GPRC5C: variants seen among roughly 807,000 people sequenced by gnomAD.
GPRC5C encodes the protein G protein-coupled receptor class C group 5 member C.
In GPRC5C, 22 loss-of-function variants were observed where a neutral mutation model predicts 31.4. The ratio of observed to expected loss-of-function variants is 0.70; its 90% CI spans 0.50 to 1.00. GPRC5C has a LOEUF of 1.00. GPRC5C is among the 50% of genes least tolerant of loss of function. GPRC5C has a pLI of 0.00. For synonymous variants in GPRC5C, 249 were observed against 257.5 expected (o/e 0.97, Z 0.32); for missense variants, 557 against 597.2 (o/e 0.93, Z 0.70).
rs2055514440 is a variant in GPRC5C at position 74,440,447 on chromosome 17, T to C, written c.671T>C (p.Phe224Ser). ...IYVMLLLLGAFLGAWPALCGR... is the reference protein window; with the variant it reads ...IYVMLLLLGASLGAWPALCGR... ...GTCATGCTGCTGCTGCTGGGTGCCT[T>C]CCTGGGGGCCTGGCCCGCCCTGTGT... Residue 224 changes from phenylalanine to serine, a missense_variant, in exon 2 of 4, where the codon TTC becomes TCC. By Grantham distance (155) the Phe-to-Ser change is radical (BLOSUM62 -2). Coordinates refer to ENST00000392627, the MANE Select transcript of GPRC5C (RefSeq NM_022036.4). The surrounding 1 kb of genome is among the most constrained non-coding windows in gnomAD (Gnocchi z 4.4). 2 of 1,613,916 alleles carry C rather than the reference T, an allele frequency of 1.2e-6. No homozygotes were observed. Among genetic ancestry groups the C allele is most frequent in the Admixed American group, 1.7e-5 (1 of 60,002 alleles).
At chr17:74,432,859 G>A (rs1396465196) in intron 1 of GPRC5C, among the ~76,000 whole-genome samples, 1 of 152,046 alleles carries the variant, frequency 6.6e-6, no homozygotes, top group Non-Finnish European at 1.5e-5. Context: ...TGGATGTGGA[G>A]GGCAGGTTTC....
At position 74,433,787 on chromosome 17, in the gene GPRC5C, C is replaced by T. The variant is rs564993711; in HGVS notation, c.-33+1646C>T. 49 of 1,529,158 alleles carry T rather than the reference C, an allele frequency of 3.2e-5. No individual in the cohort carries two copies. In the South Asian group the frequency reaches 4.1e-4, roughly 13 times the overall value. The allele number at this position is 1,529,158 out of a possible 1,614,324, so 94.7% of individuals were successfully genotyped here. ...GTGTTGAGTTTGGTTGGCCCTGTGA[C>T]GCGCTGGAGCTCTCTTTCCAGTGCG... On this transcript the variant is annotated intron_variant, in intron 1 of 3. Coordinates refer to ENST00000392627, the MANE Select transcript of GPRC5C (RefSeq NM_022036.4).
At chr17:74,433,929 T>C (rs2055393494) in intron 1 of GPRC5C, among the ~76,000 whole-genome samples, 1 of 152,190 alleles carries the variant, frequency 6.6e-6, no homozygotes, top group African/African-American at 2.4e-5. Context: ...CCCCGGTTGC[T>C]GGATGAAGCC....
At chr17:74,445,133 C>T (rs1336357920) in intron 3 of GPRC5C, 1 of 152,192 alleles carries the variant, frequency 6.6e-6, no homozygotes, top group Non-Finnish European at 1.5e-5. Flanking sequence ...GCCTGTAGTC[C>T]CAGCTACTAG....
chr17:74,439,596 T>C, intron 1 of GPRC5C, 149 bp from the exon 2 acceptor site: 1 of 712,862 alleles, frequency 1.4e-6, no homozygotes, highest in Non-Finnish European at 2.3e-6. Flanking sequence ...TCTCAGGGGT[T>C]CTATGTTAAG....
Position 74,439,771 on chromosome 17 carries a change from G to A in GPRC5C, c.-6G>A, listed in dbSNP as rs746270780. 1.2e-6 allele frequency: 2 copies of A among 1,609,204 alleles called. No homozygotes were observed. Among genetic ancestry groups the A allele is most frequent in the East Asian group, 4.5e-5 (2 of 44,736 alleles). ...GACCCAACCAGAGCCTGGCCTGGGA[G>A]CCAGGATGGCCATCCACAAAGCCTT... On this transcript the variant is annotated 5_prime_UTR_variant, in exon 2 of 4. Coordinates refer to ENST00000392627, the MANE Select transcript of GPRC5C (RefSeq NM_022036.4).
intron 1 of GPRC5C, chr17:74,433,810 G>A: frequency 7.5e-7 from 1 of 1,329,134 alleles, no homozygotes; most frequent in Non-Finnish European, 1.1e-6. Flanking sequence ...TCTTTCCAGT[G>A]CGGTATCCTT....
At position 74,432,463 on chromosome 17, in the gene GPRC5C, C is replaced by T. The variant is rs577368102; in HGVS notation, c.-33+322C>T. On this transcript the variant is annotated intron_variant, in intron 1 of 3. Coordinates refer to ENST00000392627, the MANE Select transcript of GPRC5C (RefSeq NM_022036.4). The stretch of plus-strand genomic sequence containing the variant: ...GTCCCTCCCACCCCCGCCCGCCCCC[C>T]GCCTGGGGCTGGAGTTGGCCCCAAA... The T allele has an allele frequency of 3.8e-3, 4,128 of 1,077,428 alleles. 11 individuals are homozygous for T. Among genetic ancestry groups the T allele is most frequent in the Middle Eastern group, 0.02 (49 of 2,422 alleles). The allele number at this position is 1,077,428 out of a possible 1,614,324, so 66.7% of individuals were successfully genotyped here.
chr17:74,436,291 C>G lies in GPRC5C; in HGVS notation c.-32-3454C>G, dbSNP rs543418365. Among the ~76,000 whole-genome samples, 12 of 152,322 alleles carry G rather than the reference C, an allele frequency of 7.9e-5. No individual in the cohort carries two copies. The East Asian group carries it at 2.1e-3, about 27-fold the overall frequency. The stretch of plus-strand genomic sequence containing the variant: ...CTTTTCTGCCTTGCACGTCCCTCTC[C>G]TTGTTCCCTTCACCTGCTCAGTCCT... On this transcript the variant is annotated intron_variant, in intron 1 of 3. Coordinates refer to ENST00000392627, the MANE Select transcript of GPRC5C (RefSeq NM_022036.4).
chr17:74,432,784 C>T (rs910584525), intron 1 of GPRC5C, among the ~76,000 whole-genome samples: 12 of 151,918 alleles, frequency 7.9e-5, no homozygotes, highest in Admixed American at 7.2e-4. Flanking sequence ...CCACCGCCTG[C>T]CTCTCGGTGG....
intron 3 of GPRC5C, chr17:74,446,027 C>T (rs1346338975): frequency 8.7e-6 from 1 of 115,022 alleles, no homozygotes; most frequent in Non-Finnish European, 1.7e-5. Flanking sequence ...AAAAAAAAGA[C>T]TCCAAATCAG....
chr17:74,447,086 C>G lies in GPRC5C; in HGVS notation c.*58C>G, dbSNP rs559467805. ...GGGGAGGGCCCTGAGGACCTGGCCC[C>G]GGGCAAGGGACTCTCCAGGCTCCTC... On this transcript the variant is annotated 3_prime_UTR_variant, in exon 4 of 4. Coordinates refer to ENST00000392627, the MANE Select transcript of GPRC5C (RefSeq NM_022036.4). 3.8e-6 allele frequency: 6 copies of G among 1,562,758 alleles called. No individual in the cohort carries two copies. The highest frequency in any genetic ancestry group is 2.3e-5 in the East Asian group (1 of 44,022).
intron 3 of GPRC5C, 41 bp downstream of exon 3, chr17:74,443,953 C>T (rs1369099017): frequency 7.4e-7 from 1 of 1,353,404 alleles, no homozygotes; most frequent in Non-Finnish European, 1.1e-6. Context: ...GTCTGGGCTA[C>T]AGAGACCAGC....
intron 1 of GPRC5C, among the ~76,000 whole-genome samples, chr17:74,437,757 C>T (rs2055455065): frequency 6.6e-6 from 1 of 151,450 alleles, no homozygotes; most frequent in Admixed American, 6.6e-5. Context: ...GGAGGTAAAC[C>T]ATGTATAAAC....
At chr17:74,432,650 G>A (rs2055372116) in intron 1 of GPRC5C, 1 of 395,930 alleles carries the variant, frequency 2.5e-6, no homozygotes, top group Non-Finnish European at 3.4e-6. Flanking sequence ...AACTCCGCTC[G>A]GTCGCTGAAA....
chr17:74,432,411 C>T (rs2055366009), intron 1 of GPRC5C: 5 of 1,181,050 alleles, frequency 4.2e-6, no homozygotes, highest in Non-Finnish European at 5.2e-6. Context: ...CAGCCAGGAC[C>T]GGGCCTGGCC....
chr17:74,436,254 G>C (rs1049216799), intron 1 of GPRC5C, among the ~76,000 whole-genome samples: 1 of 152,174 alleles, frequency 6.6e-6, no homozygotes, highest in Non-Finnish European at 1.5e-5. Flanking sequence ...AAAGGGCTTT[G>C]ATTCACACCA....
chr17:74,432,221 C>A, intron 1 of GPRC5C, 80 bp downstream of exon 1: 1 of 1,550,970 alleles, frequency 6.4e-7, no homozygotes, highest in African/African-American at 1.4e-5. Flanking sequence ...GGCGGGCGCC[C>A]GATTAGCGCC....
At position 74,439,900 on chromosome 17, in the gene GPRC5C, CTG is replaced by C; in HGVS notation, c.129_130del (p.Cys43Ter). On this transcript the variant is annotated frameshift_variant, in exon 2 of 4. Transcript: ENST00000392627. LOFTEE classifies it high-confidence loss of function. ...SQGLNPLYYN[L>X]CDRSGAWGIV... ...AGGCCTCAACCCCCTGTACTACAAC[CTG>C]TGTGACCGCTCTGGGGCGTGGGGCA... 6.2e-7 allele frequency: 1 copy of C among 1,613,010 alleles called. No individual in the cohort carries two copies. Among genetic ancestry groups the C allele is most frequent in the Non-Finnish European group, 8.5e-7 (1 of 1,180,032 alleles).
Sources: gnomAD v4.1 joint callset for allele counts (sites outside exome capture counted in the v4.1 genomes callset) on GRCh38, gnomAD v4.1.1 for gene constraint, Gnocchi (gnomAD v3.1) non-coding constraint, MANE v1.5 for transcripts, NCBI Gene and HGNC (gene_info 2026-07-23, HGNC 2026-07-21) for gene names.